Variants in GRM1 observed in about 807,000 individuals in gnomAD.
GRM1 encodes the protein glutamate metabotropic receptor 1, also known as metabotropic glutamate receptor 1.
GRM1 carries 33 observed loss-of-function variants against 90.9 expected under a neutral mutation model. That is an observed-to-expected ratio of 0.36 (90% CI 0.28 to 0.49). The LOEUF (loss-of-function observed/expected upper bound fraction) is 0.49. Ranked by LOEUF, GRM1 falls within the 20% of genes least tolerant of loss-of-function variation. The pLI is 0.99. For synonymous variants in GRM1, 700 were observed against 613.2 expected, an observed-to-expected ratio of 1.14 and a Z score of -2.09; for missense variants, 1,190 against 1,534.3, an observed-to-expected ratio of 0.78 and a Z score of 3.75.
At chr6:146,217,168 G>A (rs1173468452) in intron 2 of GRM1, among the ~76,000 whole-genome samples, 1 of 152,148 alleles carries the variant, frequency 6.6e-6, no homozygotes, top group Non-Finnish European at 1.5e-5. Context: ...ATGAGCCATA[G>A]GTCAGTGAGG....
chr6:146,398,747 C>T (rs362856), intron 6 of GRM1, 22 bp from the exon 7 acceptor site: 1 of 1,543,830 alleles, frequency 6.5e-7, no homozygotes. Flanking sequence ...GATTCATGCT[C>T]AAATGATTTT....
intron 2 of GRM1, among the ~76,000 whole-genome samples, chr6:146,194,935 C>A (rs1380256641): frequency 6.6e-6 from 1 of 152,156 alleles, no homozygotes; most frequent in Non-Finnish European, 1.5e-5. Context: ...GTTACCTAAC[C>A]TCTCTGTGAC....
chr6:146,358,387 C>A (rs1785672323), intron 5 of GRM1, among the ~76,000 whole-genome samples: 1 of 152,140 alleles, frequency 6.6e-6, no homozygotes, highest in African/African-American at 2.4e-5. Context: ...TATTTAAAAC[C>A]AAACTGGGGG....
intron 3 of GRM1, among the ~76,000 whole-genome samples, chr6:146,327,903 G>A (rs1415777828): frequency 1.3e-5 from 2 of 152,226 alleles, no homozygotes; most frequent in Middle Eastern, 3.4e-3. Context: ...GGGCGATTTA[G>A]GGTCAGTGGA....
chr6:146,029,488 T>G lies in GRM1; in HGVS notation c.-30T>G, dbSNP rs758128029. 4 of 1,562,280 alleles carry G rather than the reference T, an allele frequency of 2.6e-6. No homozygotes were observed. The East Asian group carries it at 9.0e-5, about 35-fold the overall frequency. On this transcript the variant is annotated 5_prime_UTR_variant, in exon 1 of 8. Coordinates refer to ENST00000282753, the MANE Select transcript of GRM1 (RefSeq NM_001278064.2). ...AGCGGGACCAGCGTGGGAACGCGGC[T>G]GGCAGGCTGTGGACCTCGTCCTCAC... is the stretch of plus-strand genomic sequence containing the variant.
At chr6:146,122,444 G>A (rs556590356) in intron 1 of GRM1, among the ~76,000 whole-genome samples, 23 of 152,208 alleles carry the variant, frequency 1.5e-4, no homozygotes, top group Admixed American at 7.9e-4. Context: ...CTCTGAAGAT[G>A]TTAGTGTTTC....
chr6:146,382,744 T>C (rs1776361771), intron 5 of GRM1, among the ~76,000 whole-genome samples: 1 of 152,120 alleles, frequency 6.6e-6, no homozygotes. Flanking sequence ...CTAAAGTTCT[T>C]TGAGTGACCT....
At chr6:146,351,956 C>T (rs1240479356) in intron 3 of GRM1, among the ~76,000 whole-genome samples, 2 of 152,152 alleles carry the variant, frequency 1.3e-5, no homozygotes, top group African/African-American at 4.8e-5. Flanking sequence ...TCCATTACTC[C>T]TTCAGGATTT....
rs1411453967 is a variant in GRM1, at chr6:146,268,547, C to CAGTA, written c.951-36060_951-36057dup. Among the ~76,000 whole-genome samples the CAGTA allele has an allele frequency of 2.6e-5, 4 of 152,222 alleles. No homozygotes were observed. The East Asian group carries it at 7.7e-4, about 29-fold the overall frequency. On this transcript the variant is annotated intron_variant, in intron 2 of 7. Transcript: ENST00000282753. ...CACATGCTTGATAGTATTAGGCACC[C>CAGTA]AGTAAGTGTCTGTTGAATAATGAGA... is the stretch of plus-strand genomic sequence containing the variant.
chr6:146,075,696 C>CA (rs2128860702), intron 1 of GRM1, among the ~76,000 whole-genome samples: 1 of 152,324 alleles, frequency 6.6e-6, no homozygotes, highest in African/African-American at 2.4e-5. Context: ...AAGGTGTCAG[C>CA]AGGGCCATGA....
intron 2 of GRM1, among the ~76,000 whole-genome samples, chr6:146,270,910 TTTCTTCC>T (rs1782120303): frequency 9.5e-6 from 1 of 104,780 alleles, no homozygotes; most frequent in Non-Finnish European, 1.9e-5. Context: ...TCTTTCTTTC[TTTCTTCC>T]TTCCTTCCTT....
chr6:146,066,774 G>C (rs1047648352), intron 1 of GRM1, among the ~76,000 whole-genome samples: 130 of 152,110 alleles, frequency 8.5e-4, no homozygotes, highest in African/African-American at 2.8e-3. Context: ...GGCAGAGAGA[G>C]AGAGAGAGAG....
intron 7 of GRM1, among the ~76,000 whole-genome samples, chr6:146,422,701 A>G (rs1012919515): frequency 2.6e-5 from 4 of 152,346 alleles, no homozygotes; most frequent in Non-Finnish European, 5.9e-5. Context: ...TTCATTTAAA[A>G]AATAAATCTT....
intron 2 of GRM1, among the ~76,000 whole-genome samples, chr6:146,213,823 AC>A (rs1779768712): frequency 6.6e-6 from 1 of 152,006 alleles, no homozygotes; most frequent in Non-Finnish European, 1.5e-5. Context: ...CAAGCTAGAG[AC>A]CCTGGGATGC....
At chr6:146,037,329 T>C (rs1296531316) in intron 1 of GRM1, among the ~76,000 whole-genome samples, 1 of 151,986 alleles carries the variant, frequency 6.6e-6, no homozygotes, top group African/African-American at 2.4e-5. Flanking sequence ...TAGCATCTAC[T>C]ATAGACTTTA....
chr6:146,304,792 T>G lies in GRM1; in HGVS notation c.1132T>G (p.Cys378Gly). 1 of 1,614,030 alleles carries G rather than the reference T, an allele frequency of 6.2e-7. No homozygotes were observed. Among genetic ancestry groups the G allele is most frequent in the Non-Finnish European group, 8.5e-7 (1 of 1,179,962 alleles). ...FPEFWQHRFQ[C>G]RLPGHLLENP... Reference sequence around the variant, plus strand: ...TGAGTTCTGGCAACATCGGTTCCAGTGCCGCCTTCCAGGACACCTTCTGGA... The same window carrying G: ...TGAGTTCTGGCAACATCGGTTCCAGGGCCGCCTTCCAGGACACCTTCTGGA... Residue 378 changes from cysteine (C) to glycine (G), a missense_variant, in exon 3 of 8, where the codon TGC (cysteine) becomes GGC (glycine). This residue lies in a region of GRM1 where 414 missense variants were observed against 598.4 expected (regional missense o/e 0.69). Coordinates refer to ENST00000282753, the MANE Select transcript of GRM1 (RefSeq NM_001278064.2).
intron 2 of GRM1, among the ~76,000 whole-genome samples, chr6:146,178,955 C>T (rs115093441): frequency 9.2e-5 from 14 of 152,204 alleles, no homozygotes; most frequent in African/African-American, 3.1e-4. Context: ...CTAATCTGGG[C>T]TGGTGGTATA....
At chr6:146,353,168 G>T (rs892871072) in intron 4 of GRM1, among the ~76,000 whole-genome samples, 1 of 152,188 alleles carries the variant, frequency 6.6e-6, no homozygotes, top group Non-Finnish European at 1.5e-5. Context: ...GATACTACCA[G>T]TTAGCTCAAG....
rs1375118465 is a variant in GRM1 at position 146,216,694 on chromosome 6, A to G, written c.950+57097A>G. Among the ~76,000 whole-genome samples the G allele has an allele frequency of 2.6e-5, 4 of 152,196 alleles. No individual in the cohort carries two copies. The East Asian group carries it at 7.7e-4, about 29-fold the overall frequency. On this transcript the variant is annotated intron_variant, in intron 2 of 7. Coordinates refer to ENST00000282753, the MANE Select transcript of GRM1 (RefSeq NM_001278064.2). ...GCATGGAAGAGTCCTGTTCCTCTAA[A>G]CTGTAAAACATTCACAGCAGAGTCA...
Sources: gnomAD v4.1 joint callset for allele counts (sites outside exome capture counted in the v4.1 genomes callset) on GRCh38, gnomAD v4.1.1 for gene constraint, gnomAD v4.1.1 regional missense constraint, MANE v1.5 for transcripts, NCBI Gene and HGNC (gene_info 2026-07-23, HGNC 2026-07-21) for gene names.